Variants in AP2B1 observed in about 807,000 individuals in gnomAD.
AP2B1 encodes the protein AP-2 complex subunit beta.
In AP2B1, 23 loss-of-function variants were observed where a neutral mutation model predicts 102.0. The observed-to-expected ratio is 0.23, with a 90% CI of 0.16 to 0.32. The LOEUF (loss-of-function observed/expected upper bound fraction) is 0.32. Among genes scored for constraint, AP2B1 ranks in the 10% least tolerant of loss-of-function variants. AP2B1 has a pLI of 1.00. For missense variants in AP2B1, 541 were observed against 1,157.4 expected (o/e 0.47, Z 7.73); for synonymous variants, 381 against 421.2 (o/e 0.90, Z 1.17).
At chr17:35,620,690 G>A (rs1005316635) in intron 5 of AP2B1, among the ~76,000 whole-genome samples, 1 of 152,056 alleles carries the variant, frequency 6.6e-6, no homozygotes, top group African/African-American at 2.4e-5. Flanking sequence ...GGTGGTACAA[G>A]CCTGTAGTCC....
intron 21 of AP2B1, among the ~76,000 whole-genome samples, chr17:35,719,599 G>A (rs1190296008): frequency 1.3e-5 from 2 of 152,092 alleles, no homozygotes; most frequent in Non-Finnish European, 2.9e-5. Flanking sequence ...AGTTCACTGT[G>A]TCCATGTACC....
chr17:35,670,833 C>A (rs749220726), intron 14 of AP2B1, 24 bp from the exon 15 acceptor site: 21 of 1,613,228 alleles, frequency 1.3e-5, no homozygotes, highest in Non-Finnish European at 1.8e-5. Flanking sequence ...CCTCTCTCTC[C>A]TCTCTCTCCT....
intron 18 of AP2B1, among the ~76,000 whole-genome samples, chr17:35,699,577 A>T (rs776440245): frequency 6.6e-6 from 1 of 152,158 alleles, no homozygotes; most frequent in Non-Finnish European, 1.5e-5. Flanking sequence ...TGAACTAAAG[A>T]CGCTGTCCAG....
rs1237321006 is a variant in AP2B1 at position 35,709,320 on chromosome 17, C to A, written c.2539+12C>A. On this transcript the variant is annotated intron_variant, in intron 19 of 21. Coordinates refer to ENST00000610402, the MANE Select transcript of AP2B1 (RefSeq NM_001030006.2). ...AGATGGCAAAATGGGTAAGTACCTT[C>A]CTGCCTGTCCTGCTGAATATACCTT... is the stretch of plus-strand genomic sequence containing the variant. The A allele has an allele frequency of 5.0e-6, 8 of 1,603,704 alleles. No homozygotes were observed. In the African/African-American group the frequency reaches 1.1e-4, roughly 21 times the overall value.
At chr17:35,654,416 T>C (rs186677110) in intron 13 of AP2B1, among the ~76,000 whole-genome samples, 33 of 152,330 alleles carry the variant, frequency 2.2e-4, no homozygotes, top group Non-Finnish European at 2.5e-4. Flanking sequence ...ATATGCAAGA[T>C]AGAATGGTAT....
intron 14 of AP2B1, among the ~76,000 whole-genome samples, chr17:35,666,647 A>T (rs1205988214): frequency 6.6e-6 from 1 of 152,212 alleles, no homozygotes; most frequent in East Asian, 1.9e-4. Flanking sequence ...AGAGACACTT[A>T]AAACACAGTA....
intron 14 of AP2B1, among the ~76,000 whole-genome samples, chr17:35,665,831 T>C (rs3785762): frequency 0.024 from 3,667 of 152,262 alleles, 133 homozygotes; most frequent in East Asian, 0.19. Flanking sequence ...CTCCACAGTT[T>C]TAGAAGCAAA....
At chr17:35,665,714 A>G (rs917462758) in intron 14 of AP2B1, among the ~76,000 whole-genome samples, 2 of 152,236 alleles carry the variant, frequency 1.3e-5, no homozygotes, top group African/African-American at 4.8e-5. Context: ...AGTAAGTTCT[A>G]GAAAACAGTA....
At chr17:35,681,886 T>A (rs976205585) in intron 17 of AP2B1, among the ~76,000 whole-genome samples, 1 of 152,230 alleles carries the variant, frequency 6.6e-6, no homozygotes, top group Non-Finnish European at 1.5e-5. Context: ...ATTCATTTAA[T>A]GGAAAACAGA....
At chr17:35,695,272 A>G (rs1339213550) in intron 18 of AP2B1, among the ~76,000 whole-genome samples, 1 of 152,170 alleles carries the variant, frequency 6.6e-6, no homozygotes, top group African/African-American at 2.4e-5. Context: ...ATACATTGGC[A>G]GAAAGCAGTC....
At chr17:35,597,047 G>A (rs1445996672) in intron 2 of AP2B1, 8 of 580,748 alleles carry the variant, frequency 1.4e-5, no homozygotes, top group Non-Finnish European at 2.5e-5. Flanking sequence ...CCGTTGTGGG[G>A]GCCGTGGCCG....
In AP2B1 at chr17:35,637,842, A is replaced by G. The variant is rs367553529; in HGVS notation, c.1271+1386A>G. ...TGGGATTACAGGTGGCTGCCACCAC[A>G]CCCGGCTAATTTTTGTATTTTTAGT... On this transcript the variant is annotated intron_variant, in intron 10 of 21. Transcript: ENST00000610402. Among the ~76,000 whole-genome samples, 32 of 151,412 alleles carry G rather than the reference A, an allele frequency of 2.1e-4. No individual in the cohort carries two copies. The East Asian group carries it at 3.9e-3, about 19-fold the overall frequency.
intron 5 of AP2B1, among the ~76,000 whole-genome samples, chr17:35,613,918 A>G (rs2073938282): frequency 6.6e-6 from 1 of 152,198 alleles, no homozygotes; most frequent in Non-Finnish European, 1.5e-5. Context: ...AGCTATAGGG[A>G]AATAGCTTTT....
rs747649756 is a variant in AP2B1, at chr17:35,670,629, G to A, written c.1990-228G>A. On this transcript the variant is annotated intron_variant, in intron 14 of 21. Coordinates refer to ENST00000610402, the MANE Select transcript of AP2B1 (RefSeq NM_001030006.2). ...AACATCCCTGAGATGTCCCAGCTCC[G>A]TCTTCTTTACAAGTTTTCTCCAAAC... Among the ~76,000 whole-genome samples the A allele has an allele frequency of 3.7e-4, 57 of 152,098 alleles. 1 individual carries two copies. Among genetic ancestry groups the A allele is most frequent in the African/African-American group, 6.5e-4 (27 of 41,400 alleles).
intron 18 of AP2B1, among the ~76,000 whole-genome samples, chr17:35,703,202 T>G (rs2076272004): frequency 6.7e-6 from 1 of 149,788 alleles, no homozygotes; most frequent in Non-Finnish European, 1.5e-5. Context: ...GAGGCGGAGC[T>G]TGCAGTGAGC....
At chr17:35,616,047 T>G (rs1425564423) in intron 5 of AP2B1, among the ~76,000 whole-genome samples, 2 of 152,112 alleles carry the variant, frequency 1.3e-5, no homozygotes, top group African/African-American at 2.4e-5. Flanking sequence ...CCTTTTATAA[T>G]GTGCTTTGTG....
At chr17:35,676,803 C>G (rs1398483882) in intron 17 of AP2B1, among the ~76,000 whole-genome samples, 1 of 142,292 alleles carries the variant, frequency 7.0e-6, no homozygotes, top group African/African-American at 2.6e-5. Context: ...ATATATCTTT[C>G]ACTTAAGTAT....
chr17:35,627,525 C>A lies in AP2B1; in HGVS notation c.1059+20C>A, dbSNP rs1361986616. On this transcript the variant is annotated intron_variant, in intron 8 of 21. Transcript: ENST00000610402. Reference sequence around the variant, plus strand: ...GCTCAGGTCAGACTTTATGCAGACTCAAGTTGATGATGATTTAGCTCTTAA... The same window carrying A: ...GCTCAGGTCAGACTTTATGCAGACTAAAGTTGATGATGATTTAGCTCTTAA... The A allele has an allele frequency of 6.2e-7, 1 of 1,613,772 alleles. No individual in the cohort carries two copies. The highest frequency in any genetic ancestry group is 2.2e-5 in the East Asian group (1 of 44,882).
At chr17:35,594,578 T>C (rs1175157072) in intron 2 of AP2B1, among the ~76,000 whole-genome samples, 1 of 152,184 alleles carries the variant, frequency 6.6e-6, no homozygotes, top group African/African-American at 2.4e-5. Context: ...GATTTAAAAT[T>C]TTTTTATCTT....
Sources: gnomAD v4.1 joint callset for allele counts (sites outside exome capture counted in the v4.1 genomes callset) on GRCh38, gnomAD v4.1.1 for gene constraint, MANE v1.5 for transcripts, NCBI Gene and HGNC (gene_info 2026-07-23, HGNC 2026-07-21) for gene names.